The following ENPP6 variants were observed in gnomAD, a reference collection of about 807,000 sequenced individuals.
ENPP6 encodes ectonucleotide pyrophosphatase/phosphodiesterase 6.
A neutral mutation model predicts 42.0 loss-of-function variants in ENPP6; 32 were observed. The ratio of observed to expected loss-of-function variants is 0.76; its 90% confidence interval spans 0.58 to 1.02. ENPP6 has a LOEUF of 1.02. Ranked by LOEUF, ENPP6 falls within the 50% of genes least tolerant of loss-of-function variation. The probability of loss-of-function intolerance (pLI) is 0.00; values close to 1 mark genes in which losing one functional copy is unlikely to be tolerated. For synonymous variants in ENPP6, 213 were observed against 216.0 expected (o/e 0.99, Z 0.12); for missense variants, 552 against 566.8 (o/e 0.97, Z 0.27).
intron 2 of ENPP6, among the ~76,000 whole-genome samples, chr4:184,148,960 TTCCTA>T (rs1479865212): frequency 6.6e-6 from 1 of 152,218 alleles, no homozygotes; most frequent in East Asian, 1.9e-4. Context: ...TTTTATCAGT[TTCCTA>T]AAGAGGTTCT....
chr4:184,213,368 A>ACGATGAACT (rs1733147172), intron 1 of ENPP6, among the ~76,000 whole-genome samples: 1 of 151,898 alleles, frequency 6.6e-6, no homozygotes, highest in South Asian at 2.1e-4. Flanking sequence ...TCCAGAATCT[A>ACGATGAACT]CGATGAACTC....
chr4:184,151,538 G>C (rs1326842698), intron 2 of ENPP6, among the ~76,000 whole-genome samples: 1 of 152,064 alleles, frequency 6.6e-6, no homozygotes, highest in Non-Finnish European at 1.5e-5. Context: ...TGTGTGTGAG[G>C]GTGTGTTCTT....
intron 1 of ENPP6, 118 bp from the exon 2 acceptor site, chr4:184,153,851 A>T: frequency 8.5e-7 from 1 of 1,175,614 alleles, no homozygotes; most frequent in Non-Finnish European, 1.2e-6. Flanking sequence ...CAGCATAAAG[A>T]TTTGCTTTTG....
chr4:184,186,768 C>T (rs1324575758), intron 1 of ENPP6, among the ~76,000 whole-genome samples: 2 of 152,160 alleles, frequency 1.3e-5, no homozygotes, highest in Non-Finnish European at 2.9e-5. Context: ...TTTGCCCCGC[C>T]GTGGCCTGGG....
intron 1 of ENPP6, among the ~76,000 whole-genome samples, chr4:184,185,362 C>T (rs553755212): frequency 5.3e-5 from 8 of 152,312 alleles, no homozygotes; most frequent in Admixed American, 6.5e-5. Context: ...CAACATCCCA[C>T]GGGCAACATC....
At chr4:184,093,333 T>C (rs1264079579) in intron 7 of ENPP6, among the ~76,000 whole-genome samples, 1 of 152,106 alleles carries the variant, frequency 6.6e-6, no homozygotes, top group South Asian at 2.1e-4. Context: ...AGAGTAAAAA[T>C]TAGTTTTAAA....
Position 184,217,831 on chromosome 4 carries a change from C to T in ENPP6, c.-12G>A, listed in dbSNP as rs912378900. On this transcript the variant is annotated 5_prime_UTR_variant, in exon 1 of 8. Transcript: ENST00000296741. ...AGCTTCACTGCCATGCTGCCAGGAG[C>T]CTGCCAGAGCCCGGCTGGCACAGCT... is the stretch of plus-strand genomic sequence containing the variant. 17 of 1,611,622 alleles carry T rather than the reference C, an allele frequency of 1.1e-5. No homozygotes were observed. Among genetic ancestry groups the T allele is most frequent in the Non-Finnish European group, 1.4e-5 (16 of 1,179,196 alleles).
chr4:184,143,710 G>A lies in ENPP6; in HGVS notation c.421+9844C>T, dbSNP rs142506213. 3.6e-3 allele frequency among the ~76,000 whole-genome samples: 541 copies of A among 152,352 alleles called. 6 individuals carry two copies. The highest frequency in any genetic ancestry group is 0.014 in the Middle Eastern group (4 of 294). The stretch of plus-strand genomic sequence containing the variant: ...CCTCTGCCCCTCTGCAGCCCAGTGC[G>A]GGGTCTGCAGAGAGGGGGAGGGAAG... On this transcript the variant is annotated intron_variant, in intron 2 of 7. Coordinates refer to ENST00000296741, the MANE Select transcript of ENPP6 (RefSeq NM_153343.4).
At chr4:184,167,722 A>C (rs531455959) in intron 1 of ENPP6, among the ~76,000 whole-genome samples, 2 of 152,200 alleles carry the variant, frequency 1.3e-5, no homozygotes, top group Non-Finnish European at 2.9e-5. Flanking sequence ...GCCTCGGGCC[A>C]GGTGCGCCCA....
intron 1 of ENPP6, among the ~76,000 whole-genome samples, chr4:184,208,902 C>G (rs537735442): frequency 0.034 from 4,944 of 143,708 alleles, 254 homozygotes; most frequent in Non-Finnish European, 0.045. Context: ...AACGGGCAGA[C>G]TGCCTCCTCA....
At position 184,130,501 on chromosome 4, in the gene ENPP6, T is replaced by C. The variant is rs1736582673; in HGVS notation, c.422-6229A>G. ...TGAACCCGGGAGGCGGAGCTTGCAG[T>C]GAGCCGAGATCACACCACTGCACTC... On this transcript the variant is annotated intron_variant, in intron 2 of 7. Coordinates refer to ENST00000296741, the MANE Select transcript of ENPP6 (RefSeq NM_153343.4). 2.7e-5 allele frequency among the ~76,000 whole-genome samples: 2 copies of C among 73,260 alleles called. 1 individual carries two copies. Among genetic ancestry groups the C allele is most frequent in the Admixed American group, 2.3e-4 (2 of 8,582 alleles). The allele number at this position is 73,260 out of a possible 152,430, so 48.1% of individuals were successfully genotyped here. A position where few individuals can be genotyped will look rare whatever the true frequency, so the allele number is the denominator to read the frequency against.
intron 1 of ENPP6, among the ~76,000 whole-genome samples, chr4:184,168,040 G>C (rs186010416): frequency 6.6e-6 from 1 of 152,096 alleles, no homozygotes; most frequent in South Asian, 2.1e-4. Flanking sequence ...AAAACAGAAG[G>C]AACAGGTAGG....
intron 1 of ENPP6, among the ~76,000 whole-genome samples, chr4:184,174,184 C>G (rs1169088023): frequency 1.4e-5 from 2 of 146,734 alleles, no homozygotes; most frequent in African/African-American, 5.1e-5. Context: ...GTCACCGAGG[C>G]TGGAGAGCAG....
At chr4:184,117,503 G>T (rs1170034324) in intron 4 of ENPP6, among the ~76,000 whole-genome samples, 1 of 152,256 alleles carries the variant, frequency 6.6e-6, no homozygotes, top group Non-Finnish European at 1.5e-5. Flanking sequence ...GGAGTCCACA[G>T]AGCTGGGTGT....
chr4:184,168,653 G>A (rs914709102), intron 1 of ENPP6, among the ~76,000 whole-genome samples: 2 of 152,238 alleles, frequency 1.3e-5, no homozygotes, highest in Non-Finnish European at 2.9e-5. Flanking sequence ...GTAGTCCGCC[G>A]AGAGGCGCCA....
chr4:184,113,488 A>G (rs1736248452), intron 5 of ENPP6, among the ~76,000 whole-genome samples: 1 of 152,220 alleles, frequency 6.6e-6, no homozygotes, highest in Admixed American at 6.5e-5. Context: ...TGTTCTGAGT[A>G]TAAAGGGTCT....
At chr4:184,102,141 G>A (rs964478485) in intron 6 of ENPP6, among the ~76,000 whole-genome samples, 4 of 152,172 alleles carry the variant, frequency 2.6e-5, no homozygotes, top group East Asian at 1.9e-4. Flanking sequence ...CAACATTTGC[G>A]CTTTACCTCC....
intron 1 of ENPP6, among the ~76,000 whole-genome samples, chr4:184,167,856 G>A (rs999541936): frequency 7.2e-5 from 11 of 152,192 alleles, no homozygotes. Context: ...AGCAGACACT[G>A]GGTCTCATTC....
intron 1 of ENPP6, among the ~76,000 whole-genome samples, chr4:184,178,945 C>A (rs1732495501): frequency 6.6e-6 from 1 of 152,176 alleles, no homozygotes; most frequent in South Asian, 2.1e-4. Flanking sequence ...AGACCAATGA[C>A]ACTATGAAGC....
Sources: allele counts gnomAD v4.1 joint callset (sites outside exome capture counted in the v4.1 genomes callset), GRCh38; gene constraint gnomAD v4.1.1; transcripts MANE v1.5; gene names NCBI Gene and HGNC (gene_info 2026-07-23, HGNC 2026-07-21).